SCARB2: variants seen among roughly 807,000 people sequenced by gnomAD.
SCARB2 encodes lysosome membrane protein 2.
SCARB2 carries 29 observed loss-of-function variants against 58.6 expected under a neutral mutation model. That is an observed-to-expected ratio of 0.49 (90% CI 0.37 to 0.67). The LOEUF (loss-of-function observed/expected upper bound fraction) is 0.67, where lower values mean the gene tolerates loss of function less well. Ranked by LOEUF, SCARB2 falls within the 30% of genes least tolerant of loss-of-function variation. SCARB2 has a pLI of 0.00. For missense variants in SCARB2, 488 were observed against 578.5 expected, an observed-to-expected ratio of 0.84 and a Z score of 1.60; for synonymous variants, 195 against 210.1, an observed-to-expected ratio of 0.93 and a Z score of 0.62.
At chr4:76,212,964 A>T (rs1733088528) in intron 1 of SCARB2, among the ~76,000 whole-genome samples, 1 of 152,218 alleles carries the variant, frequency 6.6e-6, no homozygotes, top group South Asian at 2.1e-4. Context: ...CCAGCCCAAG[A>T]GGGCAAGAAC....
chr4:76,186,176 T>C (rs1732481515), intron 2 of SCARB2, among the ~76,000 whole-genome samples: 1 of 151,976 alleles, frequency 6.6e-6, no homozygotes, highest in African/African-American at 2.4e-5. Context: ...GGATGGCAAC[T>C]GGAAGGGGAC....
chr4:76,205,966 C>T (rs1437744719), intron 1 of SCARB2, among the ~76,000 whole-genome samples: 1 of 152,116 alleles, frequency 6.6e-6, no homozygotes, highest in East Asian at 1.9e-4. Flanking sequence ...GTGCTGTGGT[C>T]TGAATGTTTA....
At chr4:76,190,785 AAAAC>A (rs368133246) in intron 2 of SCARB2, among the ~76,000 whole-genome samples, 4,014 of 152,018 alleles carry the variant, frequency 0.026, 127 homozygotes, top group African/African-American at 0.081. Context: ...CTCTGTCTCA[AAAAC>A]AAACAAACAA....
At chr4:76,230,347 T>C (rs1176668394) in intron 1 of SCARB2, among the ~76,000 whole-genome samples, 2 of 152,144 alleles carry the variant, frequency 1.3e-5, no homozygotes, top group African/African-American at 4.8e-5. Context: ...CTGGTGAGGC[T>C]GGTCTTGCTC....
chr4:76,197,603 C>T (rs966424037), intron 1 of SCARB2, among the ~76,000 whole-genome samples: 3 of 152,322 alleles, frequency 2.0e-5, no homozygotes, highest in East Asian at 1.9e-4. Flanking sequence ...CTGATAAATA[C>T]AGCGCCTGAG....
At chr4:76,166,381 G>C (rs920430496) in intron 9 of SCARB2, 80 bp from the exon 10 acceptor site, 7 of 1,368,692 alleles carry the variant, frequency 5.1e-6, no homozygotes, top group Non-Finnish European at 6.3e-6. Context: ...ACATTTATAT[G>C]AAGATTCTAG....
chr4:76,171,837 A>G (rs1732134284), intron 7 of SCARB2, among the ~76,000 whole-genome samples: 1 of 152,120 alleles, frequency 6.6e-6, no homozygotes, highest in Non-Finnish European at 1.5e-5. Context: ...TCCCTTGCAC[A>G]ATGGTCCCCA....
chr4:76,162,840 AG>A, intron 11 of SCARB2: 1 of 375,498 alleles, frequency 2.7e-6, no homozygotes, highest in Non-Finnish European at 4.9e-6. Flanking sequence ...CACAGTTTCT[AG>A]GGTCGTATAG....
chr4:76,178,542 C>G (rs1256177970), intron 4 of SCARB2, among the ~76,000 whole-genome samples: 1 of 152,208 alleles, frequency 6.6e-6, no homozygotes, highest in Admixed American at 6.5e-5. Flanking sequence ...TGCATAATAT[C>G]TCTCAGTAGG....
intron 1 of SCARB2, among the ~76,000 whole-genome samples, chr4:76,203,241 C>G (rs1280045209): frequency 5.9e-5 from 9 of 152,166 alleles, no homozygotes; most frequent in Non-Finnish European, 1.2e-4. Context: ...TCCCAAAGTG[C>G]TGGGACTACA....
intron 1 of SCARB2, among the ~76,000 whole-genome samples, chr4:76,219,629 G>A (rs1733273182): frequency 6.6e-6 from 1 of 152,152 alleles, no homozygotes; most frequent in Non-Finnish European, 1.5e-5. Flanking sequence ...AGAAAGGGGG[G>A]ATGGAGAGTG....
chr4:76,195,831 C>G lies in SCARB2; in HGVS notation c.151G>C (p.Asp51His). Residue 51 changes from aspartate to histidine, a missense_variant, in exon 2 of 12, where the codon GAC (aspartate) becomes CAC (histidine). Coordinates refer to ENST00000264896, the MANE Select transcript of SCARB2 (RefSeq NM_005506.4). ...IVLRNGTEAF[D>H]SWEKPPLPVY... ...GGCAGAGGGGGCTTCTCCCAGGAGT[C>G]AAATGCCTCAGTACCATTCCTTAAC... 1 of 1,613,876 alleles carries G rather than the reference C, an allele frequency of 6.2e-7. No individual in the cohort carries two copies. Among genetic ancestry groups the G allele is most frequent in the Non-Finnish European group, 8.5e-7 (1 of 1,179,798 alleles).
Position 76,161,509 on chromosome 4 carries a change from C to G in SCARB2, c.*204G>C. Reference sequence around the variant, plus strand: ...GACACATAAAAGAACAATTTCAGAGCCCACATGATTTTATAAAGCTTAATG... The same window carrying G: ...GACACATAAAAGAACAATTTCAGAGGCCACATGATTTTATAAAGCTTAATG... On this transcript the variant is annotated 3_prime_UTR_variant, in exon 12 of 12. Coordinates refer to ENST00000264896, the MANE Select transcript of SCARB2 (RefSeq NM_005506.4). 1.6e-6 allele frequency: 1 copy of G among 609,082 alleles called. No individual in the cohort carries two copies. Among genetic ancestry groups the G allele is most frequent in the Non-Finnish European group, 2.9e-6 (1 of 340,994 alleles). 37.7% of individuals were successfully genotyped at this position (609,082 alleles called of 1,614,324 possible).
chr4:76,211,016 C>T (rs1733033042), intron 1 of SCARB2, among the ~76,000 whole-genome samples: 1 of 152,156 alleles, frequency 6.6e-6, no homozygotes. Flanking sequence ...AATGAATTCT[C>T]CCATAGTAAT....
In SCARB2 at chr4:76,168,436, AT is replaced by A; in HGVS notation, c.1153del (p.Ile385SerfsTer8). 1 of 1,614,164 alleles carries A rather than the reference AT, an allele frequency of 6.2e-7. No homozygotes were observed. The highest frequency in any genetic ancestry group is 8.5e-7 in the Non-Finnish European group (1 of 1,180,006). On this transcript the variant is annotated frameshift_variant, in exon 9 of 12. Transcript: ENST00000264896. LOFTEE classifies it high-confidence loss of function. The stretch of plus-strand genomic sequence containing the variant: ...ATCTAATTTTTTGACATAAATGTTG[AT>A]TTGGAACCTCTTGGCTGCTTTTAGG... ...IILKAAKRFQ[I>X]NIYVKKLDDF...
chr4:76,233,572 T>TCA (rs879323914), intron 1 of SCARB2, among the ~76,000 whole-genome samples: 1 of 71,596 alleles, frequency 1.4e-5, no homozygotes, highest in African/African-American at 4.9e-5. Context: ...TTTACAGACA[T>TCA]CACACACACA....
intron 1 of SCARB2, among the ~76,000 whole-genome samples, chr4:76,196,433 T>C (rs546860195): frequency 7.2e-5 from 11 of 152,338 alleles, no homozygotes; most frequent in Non-Finnish European, 1.5e-4. Flanking sequence ...GCATGAAGCA[T>C]AGTGTTTCCA....
rs1205874608 is a variant in SCARB2, at chr4:76,213,803, G to A, written c.-260C>T. 1.1e-5 allele frequency: 4 copies of A among 365,442 alleles called. No homozygotes were observed. Among genetic ancestry groups the A allele is most frequent in the Admixed American group, 5.2e-5 (1 of 19,054 alleles). The allele number at this position is 365,442 out of a possible 1,614,324, so 22.6% of individuals were successfully genotyped here. A position where few individuals can be genotyped will look rare whatever the true frequency, so the allele number is the denominator to read the frequency against. On this transcript the variant is annotated 5_prime_UTR_variant, in exon 1 of 12. Coordinates refer to ENST00000264896, the MANE Select transcript of SCARB2 (RefSeq NM_005506.4). ...CCTTCGCCGGGCAGCCGTGGCGCCC[G>A]CCTAGCGCAGCTCGGGAGAGTGCAG...
intron 2 of SCARB2, among the ~76,000 whole-genome samples, chr4:76,189,150 T>A (rs1222278569): frequency 6.6e-6 from 1 of 152,130 alleles, no homozygotes; most frequent in African/African-American, 2.4e-5. Context: ...TAGTAGACAG[T>A]CAGAGACCAA....
Sources: allele counts gnomAD v4.1 joint callset (sites outside exome capture counted in the v4.1 genomes callset), GRCh38; gene constraint gnomAD v4.1.1; transcripts MANE v1.5; gene names NCBI Gene and HGNC (gene_info 2026-07-23, HGNC 2026-07-21).